FRS2: variants seen among roughly 807,000 people sequenced by gnomAD.
FRS2 encodes fibroblast growth factor receptor substrate 2.
In FRS2, 8 loss-of-function variants were observed where a neutral mutation model predicts 43.9. The observed-to-expected ratio is 0.18, with a 90% CI of 0.11 to 0.33. The LOEUF (loss-of-function observed/expected upper bound fraction) is 0.33, where lower values mean the gene tolerates loss of function less well. Among genes scored for constraint, FRS2 ranks in the 10% least tolerant of loss-of-function variants. FRS2 has a pLI of 1.00. For missense variants in FRS2, 534 were observed against 627.6 expected, an observed-to-expected ratio of 0.85 and a Z score of 1.59; for synonymous variants, 219 against 220.3, an observed-to-expected ratio of 0.99 and a Z score of 0.05.
intron 3 of FRS2, among the ~76,000 whole-genome samples, chr12:69,559,284 G>A (rs1309602697): frequency 6.6e-6 from 1 of 152,158 alleles, no homozygotes; most frequent in Non-Finnish European, 1.5e-5. Context: ...GAGGAATCTG[G>A]TTTAAACTGC....
At chr12:69,522,409 T>A (rs1875771091) in intron 1 of FRS2, among the ~76,000 whole-genome samples, 1 of 152,178 alleles carries the variant, frequency 6.6e-6, no homozygotes, top group Non-Finnish European at 1.5e-5. Context: ...CGTAGTAGTC[T>A]GTGATGGTAT....
chr12:69,472,047 G>C (rs1345819026), intron 1 of FRS2, among the ~76,000 whole-genome samples: 1 of 152,148 alleles, frequency 6.6e-6, no homozygotes, highest in Admixed American at 6.6e-5. Flanking sequence ...AAATTGTGGA[G>C]AGATTAGCTG....
At chr12:69,548,173 C>T (rs1878582825) in intron 3 of FRS2, among the ~76,000 whole-genome samples, 1 of 152,122 alleles carries the variant, frequency 6.6e-6, no homozygotes, top group Admixed American at 6.6e-5. Flanking sequence ...TACTTTTTAA[C>T]AGAATTAATC....
At chr12:69,476,891 A>T (rs931488779) in intron 1 of FRS2, among the ~76,000 whole-genome samples, 1 of 152,176 alleles carries the variant, frequency 6.6e-6, no homozygotes, top group African/African-American at 2.4e-5. Flanking sequence ...GAAATATTTA[A>T]ATTCTATTAG....
At chr12:69,515,615 C>T (rs564334370) in intron 1 of FRS2, among the ~76,000 whole-genome samples, 2 of 152,082 alleles carry the variant, frequency 1.3e-5, no homozygotes, top group Non-Finnish European at 2.9e-5. Flanking sequence ...ACACCCACTC[C>T]TCGAGAGGGA....
intron 3 of FRS2, among the ~76,000 whole-genome samples, chr12:69,543,912 T>G (rs1464014739): frequency 6.6e-6 from 1 of 152,120 alleles, no homozygotes; most frequent in African/African-American, 2.4e-5. Context: ...TAGGATCTCA[T>G]AGAGACCATT....
At chr12:69,507,522 A>T (rs1042482020) in intron 1 of FRS2, among the ~76,000 whole-genome samples, 2 of 152,216 alleles carry the variant, frequency 1.3e-5, no homozygotes, top group African/African-American at 4.8e-5. Context: ...AAAGGAAACC[A>T]AGGCCTCATA....
chr12:69,497,667 G>A (rs1183970027), intron 1 of FRS2, among the ~76,000 whole-genome samples: 1 of 152,212 alleles, frequency 6.6e-6, no homozygotes, highest in Admixed American at 6.5e-5. Context: ...TCTCCTAGAG[G>A]TTGCCTGAAG....
intron 3 of FRS2, among the ~76,000 whole-genome samples, chr12:69,534,224 C>G (rs1344790575): frequency 6.6e-6 from 1 of 152,034 alleles, no homozygotes; most frequent in Admixed American, 6.6e-5. Flanking sequence ...TGAGGTTGAA[C>G]GTAATACACA....
intron 1 of FRS2, among the ~76,000 whole-genome samples, chr12:69,474,840 C>T (rs1870624323): frequency 6.6e-6 from 1 of 152,094 alleles, no homozygotes; most frequent in African/African-American, 2.4e-5. Context: ...AATCAAGAAC[C>T]TCTGAATATT....
intron 4 of FRS2, among the ~76,000 whole-genome samples, chr12:69,568,699 ATAT>A (rs927585964): frequency 1.4e-5 from 2 of 145,652 alleles, no homozygotes; most frequent in African/African-American, 5.3e-5. Flanking sequence ...TATTTAGGTA[ATAT>A]TATATATGAG....
chr12:69,568,891 C>T, intron 4 of FRS2, 114 bp from the exon 5 acceptor site: 1 of 505,926 alleles, frequency 2.0e-6, no homozygotes, highest in Non-Finnish European at 3.5e-6. Flanking sequence ...CCTTGTTGGA[C>T]TTAATTTTCT....
chr12:69,529,622 AAAATAAAT>A (rs36140969), intron 1 of FRS2, among the ~76,000 whole-genome samples: 3 of 149,986 alleles, frequency 2.0e-5, no homozygotes, highest in African/African-American at 4.9e-5. Flanking sequence ...CCCTGTCTCA[AAAATAAAT>A]AAATAAATAA....
intron 3 of FRS2, among the ~76,000 whole-genome samples, chr12:69,549,521 C>T (rs1443249889): frequency 6.6e-6 from 1 of 152,148 alleles, no homozygotes; most frequent in Non-Finnish European, 1.5e-5. Flanking sequence ...GACAACATCA[C>T]ACTTCTTAAC....
At chr12:69,540,818 T>C (rs187376870) in intron 3 of FRS2, among the ~76,000 whole-genome samples, 2 of 152,320 alleles carry the variant, frequency 1.3e-5, no homozygotes, top group East Asian at 1.9e-4. Flanking sequence ...GTCATGTTGA[T>C]AGTGTGTTTC....
At chr12:69,493,058 A>G (rs961575901) in intron 1 of FRS2, among the ~76,000 whole-genome samples, 2 of 152,378 alleles carry the variant, frequency 1.3e-5, no homozygotes, top group East Asian at 3.9e-4. Flanking sequence ...ACCAAGCAAA[A>G]CAGAGAGACT....
At position 69,572,250 on chromosome 12, in the gene FRS2, C is replaced by G; in HGVS notation, c.545C>G (p.Ser182Cys). 1 of 1,613,764 alleles carries G rather than the reference C, an allele frequency of 6.2e-7. No individual in the cohort carries two copies. The highest frequency in any genetic ancestry group is 8.5e-7 in the Non-Finnish European group (1 of 1,179,714). ...CGCCTGCCTTCAGTAGGGGAAGAAT[C>G]TACACATCCTTTGCTTGTGGCTGAG... The part of the protein sequence containing the change: ...SARLPSVGEE[S>C]THPLLVAEEQ... Residue 182 changes from serine (S) to cysteine (C), a missense_variant, in exon 8 of 9, where the codon TCT (serine) becomes TGT (cysteine). Ser to Cys is a moderately radical substitution (Grantham distance 112, BLOSUM62 -1). This residue lies in a region of FRS2 where 446 missense variants were observed against 494.2 expected (regional missense o/e 0.90). Coordinates refer to ENST00000549921, the MANE Select transcript of FRS2 (RefSeq NM_001278356.2).
At chr12:69,538,197 T>TTTTTTATATATATATATA (rs869192774) in intron 3 of FRS2, among the ~76,000 whole-genome samples, 1 of 81,638 alleles carries the variant, frequency 1.2e-5, no homozygotes, top group South Asian at 5.1e-4. Context: ...AAAACAAATT[T>TTTTTTATATATATATATA]TATATATATA....
chr12:69,517,659 T>G (rs1875191536), intron 1 of FRS2, among the ~76,000 whole-genome samples: 1 of 152,176 alleles, frequency 6.6e-6, no homozygotes, highest in South Asian at 2.1e-4. Context: ...CTAATTTCCT[T>G]TAACTCATAA....
Sources: allele counts gnomAD v4.1 joint callset (sites outside exome capture counted in the v4.1 genomes callset), GRCh38; gene constraint gnomAD v4.1.1; regional missense constraint gnomAD v4.1.1; transcripts MANE v1.5; gene names NCBI Gene and HGNC (gene_info 2026-07-23, HGNC 2026-07-21).